Variants in STPG2 observed in about 807,000 individuals in gnomAD.
STPG2 encodes the protein sperm tail PG-rich repeat containing 2, also known as sperm-tail PG-rich repeat-containing protein 2.
Under a neutral mutation model 54.2 loss-of-function variants are expected in STPG2, and 56 were observed. The observed-to-expected ratio is 1.03, with a 90% CI of 0.83 to 1.29. The LOEUF (loss-of-function observed/expected upper bound fraction) is 1.29, where lower values mean the gene tolerates loss of function less well. Ranked by LOEUF, STPG2 falls within the 50% of genes most tolerant of loss-of-function variation. The pLI, the probability that STPG2 is intolerant of heterozygous loss-of-function variation, is 0.00. For missense variants in STPG2, 596 were observed against 544.9 expected (o/e 1.09, Z -0.93); for synonymous variants, 200 against 181.8 (o/e 1.10, Z -0.81).
At chr4:97,472,460 A>G (rs1729961094) in intron 4 of STPG2, among the ~76,000 whole-genome samples, 1 of 152,234 alleles carries the variant, frequency 6.6e-6, no homozygotes, top group South Asian at 2.1e-4. Context: ...AACATGTGAG[A>G]GTATTCTGTT....
chr4:98,009,482 T>C (rs1235541122), intron 5 of STPG2, among the ~76,000 whole-genome samples: 2 of 152,062 alleles, frequency 1.3e-5, no homozygotes, highest in African/African-American at 4.8e-5. Flanking sequence ...TTTTAAGTCT[T>C]GTTTTGTAGT....
chr4:97,759,519 G>T (rs1026362813), intron 9 of STPG2, among the ~76,000 whole-genome samples: 15 of 152,094 alleles, frequency 9.9e-5, no homozygotes, highest in Non-Finnish European at 1.5e-4. Flanking sequence ...TAAAACAAGA[G>T]GTGGTCAGAA....
intron 10 of STPG2, among the ~76,000 whole-genome samples, chr4:97,619,824 AT>A (rs113041695): frequency 0.039 from 5,030 of 130,124 alleles, 104 homozygotes; most frequent in African/African-American, 0.09. Context: ...TTCTTTTTCT[AT>A]TTTTTTTTTT....
intron 5 of STPG2, among the ~76,000 whole-genome samples, chr4:98,023,988 A>T (rs1736328311): frequency 6.6e-6 from 1 of 152,140 alleles, no homozygotes; most frequent in Non-Finnish European, 1.5e-5. Context: ...TTCCCGAGTG[A>T]GGCAATGCCT....
chr4:97,705,400 A>G (rs1723910304), intron 10 of STPG2, among the ~76,000 whole-genome samples: 3 of 151,538 alleles, frequency 2.0e-5, no homozygotes, highest in African/African-American at 2.4e-5. Context: ...ATCTCGGCTC[A>G]CTGCAACCTC....
chr4:98,024,349 A>G (rs138659329), intron 5 of STPG2, among the ~76,000 whole-genome samples: 31 of 152,340 alleles, frequency 2.0e-4, no homozygotes, highest in Admixed American at 4.6e-4. Context: ...TTTTCCATGA[A>G]CAAATCAGAG....
rs117937644 is a variant in STPG2, at chr4:98,029,803, C to G, written c.613-48485G>C. 5.9e-5 allele frequency among the ~76,000 whole-genome samples: 9 copies of G among 152,232 alleles called. No individual in the cohort carries two copies. In the East Asian group the frequency reaches 1.7e-3, roughly 29 times the overall value. On this transcript the variant is annotated intron_variant, in intron 5 of 10. Transcript: ENST00000295268. The stretch of plus-strand genomic sequence containing the variant: ...AATGAAAAAGTAGCTTGCAATGCAG[C>G]CTGAACGTACTATAGAGCTTTGTCT...
chr4:97,904,110 GGCCTGCCT>G (rs1560580663), intron 8 of STPG2, among the ~76,000 whole-genome samples: 1 of 152,200 alleles, frequency 6.6e-6, no homozygotes, highest in Non-Finnish European at 1.5e-5. Flanking sequence ...AGCTGAAGGA[GGCCTGCCT>G]GCCTCTGTAG....
At chr4:97,720,756 C>A (rs1056727764) in intron 9 of STPG2, among the ~76,000 whole-genome samples, 2 of 151,894 alleles carry the variant, frequency 1.3e-5, no homozygotes, top group Admixed American at 1.3e-4. Context: ...ACAAATATCA[C>A]AATTCTAAAA....
chr4:97,528,099 C>G (rs1412273768), intron 4 of STPG2, among the ~76,000 whole-genome samples: 2 of 152,142 alleles, frequency 1.3e-5, no homozygotes, highest in African/African-American at 4.8e-5. Flanking sequence ...ATCATATTCC[C>G]TACATTTTCT....
At chr4:98,003,873 AAT>A (rs1225569913) in intron 5 of STPG2, among the ~76,000 whole-genome samples, 1 of 152,132 alleles carries the variant, frequency 6.6e-6, no homozygotes, top group African/African-American at 2.4e-5. Flanking sequence ...ATTGAAGTAT[AAT>A]AGACAAATTT....
At chr4:98,021,828 T>C (rs1736211860) in intron 5 of STPG2, among the ~76,000 whole-genome samples, 1 of 152,014 alleles carries the variant, frequency 6.6e-6, no homozygotes. Flanking sequence ...TATCAGAGAC[T>C]AGGATTGCAA....
In STPG2 at chr4:97,531,903, G is replaced by A. The variant is rs79507241; in HGVS notation, c.462+180796C>T. ...ATTTGTAACAGAAGGATAGATGCTT[G>A]AGGTGATGGATACCCCATTTTCCAT... is the stretch of plus-strand genomic sequence containing the variant. On this transcript the variant is annotated intron_variant, in intron 4 of 4. Coordinates refer to the STPG2 transcript ENST00000522676. Among the ~76,000 whole-genome samples the A allele has an allele frequency of 4.6e-5, 7 of 152,268 alleles. No homozygotes were observed. The East Asian group carries it at 1.4e-3, about 29-fold the overall frequency.
chr4:97,665,023 A>T (rs1164989465), intron 10 of STPG2, among the ~76,000 whole-genome samples: 1 of 152,022 alleles, frequency 6.6e-6, no homozygotes, highest in African/African-American at 2.4e-5. Flanking sequence ...CTGTGGCTGG[A>T]CCAGGTGTAC....
intron 8 of STPG2, among the ~76,000 whole-genome samples, chr4:97,856,346 T>C (rs1282312210): frequency 6.6e-6 from 1 of 152,188 alleles, no homozygotes; most frequent in Non-Finnish European, 1.5e-5. Flanking sequence ...TGAGCAGTGA[T>C]TTGTACTTCT....
At chr4:97,769,600 C>T (rs1210953172) in intron 9 of STPG2, among the ~76,000 whole-genome samples, 2 of 151,838 alleles carry the variant, frequency 1.3e-5, no homozygotes, top group African/African-American at 2.4e-5. Context: ...CTAAAGGAGC[C>T]TACCCTCACA....
At position 98,082,373 on chromosome 4, in the gene STPG2, A is replaced by G. The variant is rs543345457; in HGVS notation, c.612+23580T>C. ...CAGAGCTGCAGCATTTCTTATCTGGACTATTAAAGAAACGTGTACCTGGTC... is the reference window on the plus strand; with the variant it reads ...CAGAGCTGCAGCATTTCTTATCTGGGCTATTAAAGAAACGTGTACCTGGTC... On this transcript the variant is annotated intron_variant, in intron 5 of 10. Coordinates refer to ENST00000295268, the MANE Select transcript of STPG2 (RefSeq NM_174952.3). Among the ~76,000 whole-genome samples, 5 of 147,058 alleles carry G rather than the reference A, an allele frequency of 3.4e-5. No homozygotes were observed. The East Asian group carries it at 1.1e-3, about 31-fold the overall frequency.
chr4:98,113,261 T>G (rs1211424498), intron 3 of STPG2, among the ~76,000 whole-genome samples: 1 of 151,948 alleles, frequency 6.6e-6, no homozygotes, highest in Admixed American at 6.6e-5. Flanking sequence ...CTGTACTCAA[T>G]GGAAAGAGAC....
intron 10 of STPG2, among the ~76,000 whole-genome samples, chr4:97,564,325 GTC>G (rs1215325352): frequency 3.9e-5 from 6 of 152,114 alleles, no homozygotes; most frequent in Non-Finnish European, 8.8e-5. Context: ...GCCTATGTGT[GTC>G]TCTGCATGTG....
Sources: gnomAD v4.1 joint callset for allele counts (sites outside exome capture counted in the v4.1 genomes callset) on GRCh38, gnomAD v4.1.1 for gene constraint, MANE v1.5 for transcripts, NCBI Gene and HGNC (gene_info 2026-07-23, HGNC 2026-07-21) for gene names.